The following FRMD6 variants were observed in gnomAD, a reference collection of about 807,000 sequenced individuals.
The protein encoded by FRMD6 is FERM domain-containing protein 6.
In FRMD6, 37 loss-of-function variants were observed where a neutral mutation model predicts 73.2. That is an observed-to-expected ratio of 0.51 (90% CI 0.39 to 0.66). FRMD6 has a LOEUF of 0.66. Among genes scored for constraint, FRMD6 ranks in the 30% least tolerant of loss-of-function variants. The probability of loss-of-function intolerance (pLI) is 0.00; values close to 1 mark genes in which losing one functional copy is unlikely to be tolerated. For synonymous variants in FRMD6, 273 were observed against 282.2 expected, an observed-to-expected ratio of 0.97 and a Z score of 0.33; for missense variants, 714 against 780.5, an observed-to-expected ratio of 0.91 and a Z score of 1.02.
chr14:51,698,898 G>A lies in FRMD6; in HGVS notation c.190+666G>A, dbSNP rs112564934. Among the ~76,000 whole-genome samples the A allele has an allele frequency of 6.8e-3, 1,028 of 152,012 alleles. 14 individuals are homozygous for A. Among genetic ancestry groups the A allele is most frequent in the African/African-American group, 0.024 (982 of 41,510 alleles). On this transcript the variant is annotated intron_variant, in intron 3 of 13. Coordinates refer to ENST00000344768, the MANE Select transcript of FRMD6 (RefSeq NM_001267046.2). ...TATTATAAGCTTTCTTCCTTCAAAT[G>A]ATATTTTTAAATTTCTCTAATTTAG...
chr14:51,461,370 A>G, the FRMD6 span, among the ~76,000 whole-genome samples: 1 of 152,194 alleles, frequency 6.6e-6, no homozygotes, highest in Non-Finnish European at 1.5e-5. Flanking sequence ...GTGCCAAAAA[A>G]TTTCCACCTC....
intron 1 of FRMD6, among the ~76,000 whole-genome samples, chr14:51,660,179 C>T (rs565466324): frequency 6.6e-6 from 1 of 152,138 alleles, no homozygotes; most frequent in South Asian, 2.1e-4. Context: ...GGTTTTATGT[C>T]TTTATGAAGT....
the FRMD6 span, among the ~76,000 whole-genome samples, chr14:51,451,698 C>T: frequency 1.3e-3 from 197 of 152,284 alleles, 5 homozygotes; most frequent in South Asian, 0.03. Flanking sequence ...CTATTTAGTT[C>T]GCACAAGAGC....
At chr14:51,591,306 T>G (rs1029173448) in intron 2 of FRMD6, among the ~76,000 whole-genome samples, 6 of 152,092 alleles carry the variant, frequency 3.9e-5, no homozygotes, top group African/African-American at 1.2e-4. Flanking sequence ...AAAAAAAACT[T>G]TACATTAAAG....
upstream of FRMD6, among the ~76,000 whole-genome samples, chr14:51,484,318 T>G (rs1044692771): frequency 4.6e-5 from 7 of 152,220 alleles, no homozygotes; most frequent in East Asian, 7.7e-4. Flanking sequence ...AGGAGGCCAC[T>G]GCTGATACTG....
At chr14:51,721,745 AG>A (rs1566598432) in intron 11 of FRMD6, among the ~76,000 whole-genome samples, 69 of 38,552 alleles carry the variant, frequency 1.8e-3, no homozygotes, top group South Asian at 5.4e-3. Flanking sequence ...GGAGGAAGGA[AG>A]GGAGGAAGGA....
intron 1 of FRMD6, among the ~76,000 whole-genome samples, chr14:51,560,355 G>GT (rs1362773251): frequency 1.3e-5 from 2 of 152,198 alleles, no homozygotes; most frequent in East Asian, 3.8e-4. Flanking sequence ...GAATGGAGTA[G>GT]TAATAGTAAT....
intron 1 of FRMD6, among the ~76,000 whole-genome samples, chr14:51,652,865 A>G (rs937216137): frequency 6.6e-6 from 1 of 152,250 alleles, no homozygotes; most frequent in South Asian, 2.1e-4. Context: ...GTCCTGGGAC[A>G]GCATAACCTA....
chr14:51,549,591 C>CTTTTTTTTTT lies in FRMD6; in HGVS notation c.-209-20754_-209-20753insTTTTTTTTTT, dbSNP rs1168905376. Among the ~76,000 whole-genome samples the CTTTTTTTTTT allele has an allele frequency of 4.8e-4, 45 of 93,616 alleles. 1 individual carries two copies. The highest frequency in any genetic ancestry group is 1.2e-3 in the East Asian group (4 of 3,408). The allele number at this position is 93,616 out of a possible 152,430, so 61.4% of individuals were successfully genotyped here. ...CAGCTGGAGTATAAACTTTTTTTTTCTTTCTTTTTTTTTTTTTTTTTTTTG... is the reference window on the plus strand; with the variant it reads ...CAGCTGGAGTATAAACTTTTTTTTTCTTTTTTTTTTTTTCTTTTTTTTTTTTTTTTTTTTG... On this transcript the variant is annotated intron_variant, in intron 1 of 14. Coordinates refer to the FRMD6 transcript ENST00000356218.
intron 1 of FRMD6, among the ~76,000 whole-genome samples, chr14:51,536,813 A>T (rs557173238): frequency 1.3e-5 from 2 of 152,210 alleles, no homozygotes; most frequent in African/African-American, 4.8e-5. Flanking sequence ...AACACTTTAC[A>T]TGGTGGAGTG....
Position 51,704,974 on chromosome 14 carries a change from C to G in FRMD6, c.558+39C>G, listed in dbSNP as rs147800651. On this transcript the variant is annotated intron_variant, in intron 6 of 13. Transcript: ENST00000344768. ...TCAAATTCGAAAGAGTGTTTTCTCT[C>G]GGGCATTTCTAGTTCGTAGTGTTGC... 3 of 1,559,504 alleles carry G rather than the reference C, an allele frequency of 1.9e-6. No homozygotes were observed. The East Asian group carries it at 6.8e-5, about 35-fold the overall frequency.
chr14:51,631,022 A>G (rs1891316155), intron 2 of FRMD6, among the ~76,000 whole-genome samples: 1 of 152,166 alleles, frequency 6.6e-6, no homozygotes, highest in Admixed American at 6.5e-5. Context: ...TTGAAAAGGC[A>G]TTTTAATTTT....
intron 6 of FRMD6, among the ~76,000 whole-genome samples, chr14:51,706,888 CT>C (rs1896653845): frequency 6.6e-6 from 1 of 152,032 alleles, no homozygotes; most frequent in Non-Finnish European, 1.5e-5. Context: ...ACTTAGAGTG[CT>C]TCATTTTTTT....
At chr14:51,632,866 G>A (rs1218638886) in intron 2 of FRMD6, among the ~76,000 whole-genome samples, 5 of 152,202 alleles carry the variant, frequency 3.3e-5, no homozygotes, top group Non-Finnish European at 5.9e-5. Flanking sequence ...GGGAAGGCAT[G>A]GAACTTGTTT....
the FRMD6 span, among the ~76,000 whole-genome samples, chr14:51,453,470 C>T: frequency 1.6e-4 from 24 of 152,160 alleles, no homozygotes; most frequent in South Asian, 1.2e-3. Flanking sequence ...CACCCTCAGC[C>T]GCTACTTTTA....
intron 1 of FRMD6, among the ~76,000 whole-genome samples, chr14:51,537,424 G>T (rs765439512): frequency 3.9e-5 from 6 of 152,202 alleles, no homozygotes; most frequent in Non-Finnish European, 8.8e-5. Context: ...TACCTCGGCT[G>T]CTTCTAAGTT....
intron 1 of FRMD6, among the ~76,000 whole-genome samples, chr14:51,499,469 T>C (rs1883481253): frequency 6.6e-6 from 1 of 152,254 alleles, no homozygotes; most frequent in Non-Finnish European, 1.5e-5. Context: ...AAGCTTCAAC[T>C]ACATTAACTT....
the FRMD6 span, chr14:51,436,939 G>A: frequency 6.0e-6 from 6 of 992,198 alleles, no homozygotes; most frequent in East Asian, 3.1e-5. Flanking sequence ...GGGAGGGAGA[G>A]GAGGATGAAG....
the FRMD6 span, among the ~76,000 whole-genome samples, chr14:51,441,079 G>T: frequency 6.6e-6 from 1 of 152,206 alleles, no homozygotes; most frequent in Non-Finnish European, 1.5e-5. Context: ...CTTGGGATGT[G>T]GAATCATCTT....
Sources: allele counts gnomAD v4.1 joint callset (sites outside exome capture counted in the v4.1 genomes callset), GRCh38; gene constraint gnomAD v4.1.1; transcripts MANE v1.5; gene names NCBI Gene and HGNC (gene_info 2026-07-23, HGNC 2026-07-21).